The following HEMK2 variants were observed in gnomAD, a reference collection of about 807,000 sequenced individuals.
HEMK2 encodes the protein HemK methyltransferase 2, ETF1 glutamine and histone H4 lysine.
the HEMK2 span, among the ~76,000 whole-genome samples, chr21:28,723,274 C>T: frequency 6.6e-6 from 1 of 152,154 alleles, no homozygotes; most frequent in Non-Finnish European, 1.5e-5. Flanking sequence ...TCTCAGCCTC[C>T]TAAAGTTCTG....
chr21:28,684,668 T>G, the HEMK2 span, among the ~76,000 whole-genome samples: 1 of 152,198 alleles, frequency 6.6e-6, no homozygotes, highest in African/African-American at 2.4e-5. Flanking sequence ...TCTTTCAGAA[T>G]TATGATCCAA....
the HEMK2 span, among the ~76,000 whole-genome samples, chr21:28,655,369 C>T: frequency 6.6e-6 from 1 of 152,028 alleles, no homozygotes. Flanking sequence ...TAGTGTCTAA[C>T]TGCATAAAAA....
chr21:28,704,041 C>T, the HEMK2 span, among the ~76,000 whole-genome samples: 2 of 152,162 alleles, frequency 1.3e-5, no homozygotes, highest in African/African-American at 4.8e-5. Context: ...CATTGAAACA[C>T]TATCCAAACT....
chr21:28,876,183 G>A, the HEMK2 span: 9 of 365,392 alleles, frequency 2.5e-5, no homozygotes, highest in East Asian at 3.7e-4. Context: ...TATTTAAAAT[G>A]CAAACTATAA....
At chr21:28,679,515 T>C in the HEMK2 span, among the ~76,000 whole-genome samples, 1 of 151,892 alleles carries the variant, frequency 6.6e-6, no homozygotes, top group Non-Finnish European at 1.5e-5. Flanking sequence ...AACAAGGAAA[T>C]CCAGGAATTG....
the HEMK2 span, chr21:28,878,467 T>C: frequency 4.4e-6 from 4 of 906,740 alleles, no homozygotes; most frequent in African/African-American, 3.4e-5. Context: ...AGCAGTCAAG[T>C]TGAATCTAAG....
chr21:28,703,074 T>C, the HEMK2 span, among the ~76,000 whole-genome samples: 2 of 152,004 alleles, frequency 1.3e-5, no homozygotes, highest in African/African-American at 2.4e-5. Context: ...AAAAGCCAAA[T>C]ACCATGTTCT....
the HEMK2 span, among the ~76,000 whole-genome samples, chr21:28,683,533 A>G: frequency 6.6e-6 from 1 of 152,204 alleles, no homozygotes; most frequent in Non-Finnish European, 1.5e-5. Flanking sequence ...ACAAATGCAA[A>G]TGTACAAAAA....
the HEMK2 span, among the ~76,000 whole-genome samples, chr21:28,648,781 T>C: frequency 6.6e-6 from 1 of 152,260 alleles, no homozygotes; most frequent in East Asian, 1.9e-4. Context: ...TTTTCTTTTA[T>C]TTATTTATTT....
chr21:28,629,865 T>TC, the HEMK2 span, among the ~76,000 whole-genome samples: 1 of 151,740 alleles, frequency 6.6e-6, no homozygotes, highest in Non-Finnish European at 1.5e-5. Flanking sequence ...ACAAGCTTAG[T>TC]CCACTGGTCC....
At chr21:28,830,615 C>T in the HEMK2 span, among the ~76,000 whole-genome samples, 137 of 152,298 alleles carry the variant, frequency 9.0e-4, 3 homozygotes, top group East Asian at 0.022. Context: ...GCGTGGCTCA[C>T]GCCTGTAATC....
chr21:28,877,405 A>AG, the HEMK2 span, among the ~76,000 whole-genome samples: 1 of 148,054 alleles, frequency 6.8e-6, no homozygotes, highest in Non-Finnish European at 1.5e-5. Context: ...AGGGAAGAAA[A>AG]AAAAGAAGGA....
At chr21:28,594,528 G>A in the HEMK2 span, among the ~76,000 whole-genome samples, 3 of 152,090 alleles carry the variant, frequency 2.0e-5, no homozygotes, top group African/African-American at 7.2e-5. Flanking sequence ...CAGTCTGACT[G>A]CAGGGTGCAT....
the HEMK2 span, among the ~76,000 whole-genome samples, chr21:28,767,917 G>A: frequency 7.4e-3 from 1,120 of 152,098 alleles, 15 homozygotes; most frequent in African/African-American, 0.026. Flanking sequence ...GGACCCCACA[G>A]TCCCTTTAGC....
At chr21:28,658,479 C>G in the HEMK2 span, among the ~76,000 whole-genome samples, 163 of 152,068 alleles carry the variant, frequency 1.1e-3, 1 homozygote, top group Middle Eastern at 0.01. Context: ...TTTAAATTGC[C>G]CTAAAATAGA....
At chr21:28,692,727 T>G in the HEMK2 span, among the ~76,000 whole-genome samples, 1 of 152,210 alleles carries the variant, frequency 6.6e-6, no homozygotes. Context: ...GCAGCATTAT[T>G]CATGATAACC....
the HEMK2 span, among the ~76,000 whole-genome samples, chr21:28,754,955 A>G: frequency 0.011 from 1,662 of 152,304 alleles, 25 homozygotes; most frequent in African/African-American, 0.038. Flanking sequence ...GGGAGGAATT[A>G]ATTTTCTGCT....
At chr21:28,772,285 C>G in the HEMK2 span, among the ~76,000 whole-genome samples, 8 of 152,176 alleles carry the variant, frequency 5.3e-5, no homozygotes, top group Non-Finnish European at 1.2e-4. Context: ...GTTTACATTA[C>G]AGGACTCACA....
At chr21:28,790,903 A>G in the HEMK2 span, among the ~76,000 whole-genome samples, 1 of 151,494 alleles carries the variant, frequency 6.6e-6, no homozygotes, top group Non-Finnish European at 1.5e-5. Flanking sequence ...TAATGGGTGT[A>G]GCACACCAGC....
Sources: allele counts gnomAD v4.1 joint callset (sites outside exome capture counted in the v4.1 genomes callset), GRCh38; gene constraint gnomAD v4.1.1; transcripts MANE v1.5; gene names NCBI Gene and HGNC (gene_info 2026-07-23, HGNC 2026-07-21).